Variants in GRIN2A observed in about 807,000 individuals in gnomAD.
GRIN2A encodes the protein glutamate ionotropic receptor NMDA type subunit 2A.
A neutral mutation model predicts 113.4 loss-of-function variants in GRIN2A; 22 were observed. The observed-to-expected ratio is 0.19, with a 90% CI of 0.14 to 0.28. The LOEUF is 0.28. Among genes scored for constraint, GRIN2A ranks in the 10% least tolerant of loss-of-function variants. GRIN2A has a pLI of 1.00. For missense variants in GRIN2A, 1,502 were observed against 1,887.0 expected, an observed-to-expected ratio of 0.80 and a Z score of 3.78; for synonymous variants, 827 against 738.4, an observed-to-expected ratio of 1.12 and a Z score of -1.94.
At chr16:10,021,379 C>T (rs545775890) in intron 2 of GRIN2A, among the ~76,000 whole-genome samples, 6 of 152,222 alleles carry the variant, frequency 3.9e-5, no homozygotes, top group South Asian at 2.1e-4. Flanking sequence ...AGGAAAATGA[C>T]GCCCAGAAAG....
chr16:9,834,852 G>A (rs1293941541), intron 7 of GRIN2A, among the ~76,000 whole-genome samples: 1 of 152,154 alleles, frequency 6.6e-6, no homozygotes, highest in African/African-American at 2.4e-5. Context: ...GAGCAAGTTA[G>A]AATGCAAATA....
At chr16:9,930,595 T>C (rs1218337167) in intron 3 of GRIN2A, among the ~76,000 whole-genome samples, 1 of 152,240 alleles carries the variant, frequency 6.6e-6, no homozygotes, top group Non-Finnish European at 1.5e-5. Flanking sequence ...CTGATTTCAC[T>C]GCGAGAAGTG....
In GRIN2A at chr16:10,180,540, G is replaced by C. The variant is rs764059591; in HGVS notation, c.-18-111C>G. 1 of 1,510,214 alleles carries C rather than the reference G, an allele frequency of 6.6e-7. No homozygotes were observed. The highest frequency in any genetic ancestry group is 8.8e-7 in the Non-Finnish European group (1 of 1,133,252). 93.6% of individuals were successfully genotyped at this position (1,510,214 alleles called of 1,614,324 possible). A position where few individuals can be genotyped will look rare whatever the true frequency, so the allele number is the denominator to read the frequency against. On this transcript the variant is annotated intron_variant, in intron 1 of 12. Transcript: ENST00000330684. The surrounding 1 kb of genome is among the most constrained non-coding windows in gnomAD (Gnocchi z 7.0). ...AGCCAGGCATGGAACTCAGCAGCAGGATAGGCTGCTGGGATCACGGACTCC... is the reference window on the plus strand; with the variant it reads ...AGCCAGGCATGGAACTCAGCAGCAGCATAGGCTGCTGGGATCACGGACTCC...
chr16:10,083,651 G>A (rs7199095), intron 2 of GRIN2A, among the ~76,000 whole-genome samples: 11 of 151,614 alleles, frequency 7.3e-5, no homozygotes, highest in Non-Finnish European at 1.6e-4. Flanking sequence ...CCTCACCCCC[G>A]ATCCCTACTC....
chr16:10,080,239 G>C (rs1307761446), intron 2 of GRIN2A, among the ~76,000 whole-genome samples: 2 of 152,180 alleles, frequency 1.3e-5, no homozygotes, highest in African/African-American at 4.8e-5. Context: ...TCCCAAGGCA[G>C]TCATCAAATA....
intron 2 of GRIN2A, among the ~76,000 whole-genome samples, chr16:10,087,391 C>G (rs11649454): frequency 0.17 from 26,226 of 152,186 alleles, 2,689 homozygotes; most frequent in East Asian, 0.36. Context: ...AGTGCCACTT[C>G]CAGGAGAATC....
Position 9,849,815 on chromosome 16 carries a change from G to A in GRIN2A, c.1269C>T (p.Asp423=), listed in dbSNP as rs766685370. The A allele has an allele frequency of 6.2e-7, 1 of 1,614,058 alleles. No individual in the cohort carries two copies. The highest frequency in any genetic ancestry group is 1.1e-5 in the South Asian group (1 of 91,070). The part of the protein sequence containing the change: ...EAPFVIVEDI[D]PLTETCVRNT... ...TCCTCACACACGTCTCGGTCAGGGG[G>A]TCTATGTCTTCCACGATGACGAATG... The change falls in exon 5 of 13, where the codon GAC becomes GAT. Residue 423 remains aspartate (D), a synonymous_variant. Coordinates refer to ENST00000330684, the MANE Select transcript of GRIN2A (RefSeq NM_001134407.3).
At chr16:10,167,677 C>G (rs1428199403) in intron 2 of GRIN2A, among the ~76,000 whole-genome samples, 3 of 152,156 alleles carry the variant, frequency 2.0e-5, no homozygotes, top group Non-Finnish European at 4.4e-5. Context: ...TCTCTGAATG[C>G]TCTATTGTAT....
chr16:9,980,960 C>T (rs1315556403), intron 2 of GRIN2A, among the ~76,000 whole-genome samples: 1 of 149,722 alleles, frequency 6.7e-6, no homozygotes, highest in African/African-American at 2.5e-5. Context: ...GCACGTTGTG[C>T]ACATGTACCC....
At chr16:10,061,488 C>CTGATTTAA (rs2047549745) in intron 2 of GRIN2A, among the ~76,000 whole-genome samples, 1 of 152,160 alleles carries the variant, frequency 6.6e-6, no homozygotes, top group African/African-American at 2.4e-5. Context: ...CATTTCCACT[C>CTGATTTAA]ATTCACTCTG....
intron 2 of GRIN2A, among the ~76,000 whole-genome samples, chr16:9,971,924 C>T (rs2045678432): frequency 1.3e-5 from 2 of 152,138 alleles, no homozygotes. Context: ...ATTTTTGCCA[C>T]CTAGGTCTGA....
chr16:10,031,206 C>G (rs111969673), intron 2 of GRIN2A: 2 of 152,152 alleles, frequency 1.3e-5, no homozygotes, highest in South Asian at 4.1e-4. Flanking sequence ...TCTTTTAATC[C>G]TTCTCTGCAG....
intron 2 of GRIN2A, among the ~76,000 whole-genome samples, chr16:10,076,865 C>T (rs1219189462): frequency 6.6e-6 from 1 of 152,200 alleles, no homozygotes; most frequent in Admixed American, 6.5e-5. Context: ...CAACAAGGTC[C>T]ACACCCTAAT....
At chr16:9,902,971 G>A (rs1320547298) in intron 3 of GRIN2A, among the ~76,000 whole-genome samples, 1 of 78,724 alleles carries the variant, frequency 1.3e-5, no homozygotes, top group Non-Finnish European at 2.7e-5. Flanking sequence ...GCGGGGGGGT[G>A]GGGGGGTGGG....
intron 2 of GRIN2A, among the ~76,000 whole-genome samples, chr16:9,990,559 G>A (rs1223762226): frequency 1.6e-3 from 151 of 94,640 alleles, no homozygotes; most frequent in African/African-American, 3.1e-3. Context: ...GCGCGCGCGC[G>A]CGCGCACACA....
chr16:9,916,604 A>T lies in GRIN2A; in HGVS notation c.1007+21355T>A, dbSNP rs2044255441. On this transcript the variant is annotated intron_variant, in intron 3 of 12. Coordinates refer to ENST00000330684, the MANE Select transcript of GRIN2A (RefSeq NM_001134407.3). ...TGCTGCGGATTAACAGACACCTGGT[A>T]TTCCACCTCGGAGGTGGCTGGTGAT... is the stretch of plus-strand genomic sequence containing the variant. Among the ~76,000 whole-genome samples, 4 of 152,220 alleles carry T rather than the reference A, an allele frequency of 2.6e-5. 1 individual carries two copies. In the South Asian group the frequency reaches 8.3e-4, roughly 32 times the overall value.
chr16:9,896,223 T>C (rs573864196), intron 3 of GRIN2A, among the ~76,000 whole-genome samples: 4 of 152,262 alleles, frequency 2.6e-5, no homozygotes, highest in South Asian at 4.1e-4. Context: ...CTAATTCTTA[T>C]ATTTTTAGTA....
intron 2 of GRIN2A, among the ~76,000 whole-genome samples, chr16:10,157,244 T>A (rs2049716885): frequency 6.6e-6 from 1 of 152,072 alleles, no homozygotes; most frequent in Non-Finnish European, 1.5e-5. Context: ...GAGGGCCAGG[T>A]ATAGTGTCAG....
At chr16:9,979,657 A>G (rs2045848560) in intron 2 of GRIN2A, among the ~76,000 whole-genome samples, 1 of 152,038 alleles carries the variant, frequency 6.6e-6, no homozygotes, top group Non-Finnish European at 1.5e-5. Flanking sequence ...CTGGACATGA[A>G]AAGACTGTAT....
Sources: allele counts gnomAD v4.1 joint callset (sites outside exome capture counted in the v4.1 genomes callset), GRCh38; gene constraint gnomAD v4.1.1; non-coding constraint Gnocchi (gnomAD v3.1); transcripts MANE v1.5; gene names NCBI Gene and HGNC (gene_info 2026-07-23, HGNC 2026-07-21).